CDH13: variants seen among roughly 807,000 people sequenced by gnomAD.
CDH13 encodes cadherin 13.
Under a neutral mutation model 63.8 loss-of-function variants are expected in CDH13, and 24 were observed. The observed-to-expected ratio is 0.38, with a 90% CI of 0.27 to 0.53. The LOEUF is 0.53. Ranked by LOEUF, CDH13 falls within the 20% of genes least tolerant of loss-of-function variation. The pLI is 0.85. For missense variants in CDH13, 1,049 were observed against 903.1 expected, an observed-to-expected ratio of 1.16 and a Z score of -2.07; for synonymous variants, 503 against 355.3, an observed-to-expected ratio of 1.42 and a Z score of -4.67.
intron 7 of CDH13, among the ~76,000 whole-genome samples, chr16:83,502,611 A>G (rs967692645): frequency 6.6e-6 from 1 of 152,226 alleles, no homozygotes; most frequent in African/African-American, 2.4e-5. Context: ...ATGACGTGTT[A>G]AATACAGTAG....
At chr16:83,497,961 T>C (rs943964634) in intron 7 of CDH13, among the ~76,000 whole-genome samples, 5 of 152,234 alleles carry the variant, frequency 3.3e-5, no homozygotes, top group Non-Finnish European at 7.3e-5. Context: ...TTTGACAGCA[T>C]AGTTCATTTC....
chr16:82,935,574 T>A (rs1293207299), intron 2 of CDH13, among the ~76,000 whole-genome samples: 1 of 152,212 alleles, frequency 6.6e-6, no homozygotes, highest in Non-Finnish European at 1.5e-5. Context: ...TGGAAATCAT[T>A]TCAGAAAACT....
chr16:83,266,398 G>T (rs1419898812), intron 5 of CDH13, among the ~76,000 whole-genome samples: 2 of 152,246 alleles, frequency 1.3e-5, no homozygotes, highest in East Asian at 3.9e-4. Flanking sequence ...CTAAGAAGGG[G>T]GAAATGTTAA....
chr16:82,978,092 T>G (rs747085899), intron 2 of CDH13, among the ~76,000 whole-genome samples: 14 of 152,148 alleles, frequency 9.2e-5, no homozygotes, highest in Non-Finnish European at 1.9e-4. Flanking sequence ...CACTTTGAAC[T>G]GGAGAGAGAT....
intron 7 of CDH13, among the ~76,000 whole-genome samples, chr16:83,529,795 A>T (rs1176783990): frequency 6.6e-6 from 1 of 152,238 alleles, no homozygotes; most frequent in African/African-American, 2.4e-5. Flanking sequence ...AAAAAGATGA[A>T]AATAAATGTC....
intron 6 of CDH13, among the ~76,000 whole-genome samples, chr16:83,426,690 T>C (rs2071912012): frequency 6.6e-6 from 1 of 152,090 alleles, no homozygotes; most frequent in African/African-American, 2.4e-5. Flanking sequence ...GTGCTTGGCA[T>C]GTAGATAGAA....
chr16:82,654,778 T>C (rs1235411527), intron 1 of CDH13, among the ~76,000 whole-genome samples: 1 of 151,644 alleles, frequency 6.6e-6, no homozygotes, highest in African/African-American at 2.4e-5. Context: ...ACAGAAAGGA[T>C]GAGGGCAGCT....
chr16:83,589,509 A>T (rs1906527818), intron 7 of CDH13, among the ~76,000 whole-genome samples: 1 of 151,698 alleles, frequency 6.6e-6, no homozygotes, highest in African/African-American at 2.4e-5. Context: ...CCATTTCAAG[A>T]TCCTTAACAA....
chr16:83,544,588 C>G (rs1215393855), intron 7 of CDH13, among the ~76,000 whole-genome samples: 5 of 152,138 alleles, frequency 3.3e-5, no homozygotes, highest in African/African-American at 1.2e-4. Context: ...ATCCCAACAT[C>G]ACAAGAGGAT....
At chr16:82,858,668 C>G in intron 2 of CDH13, 195 bp downstream of exon 2, 1 of 622,504 alleles carries the variant, frequency 1.6e-6, no homozygotes, top group Non-Finnish European at 2.9e-6. Flanking sequence ...GAGTGATATG[C>G]ATCTCTTTTT....
chr16:83,236,032 C>A (rs565642236), intron 5 of CDH13, among the ~76,000 whole-genome samples: 1 of 152,108 alleles, frequency 6.6e-6, no homozygotes, highest in Non-Finnish European at 1.5e-5. Context: ...CATTTAAATG[C>A]GTTTAAGATA....
chr16:83,679,143 C>A (rs140081400), intron 10 of CDH13, among the ~76,000 whole-genome samples: 1 of 152,266 alleles, frequency 6.6e-6, no homozygotes, highest in Non-Finnish European at 1.5e-5. Flanking sequence ...ATTTCTTAAG[C>A]TCTGCCCAGT....
intron 2 of CDH13, among the ~76,000 whole-genome samples, chr16:83,008,315 C>T (rs992564412): frequency 1.2e-4 from 18 of 152,190 alleles, no homozygotes; most frequent in African/African-American, 4.3e-4. Context: ...ACAAAGGTGA[C>T]CTTTGAGTAG....
chr16:82,686,846 C>A (rs1915123925), intron 1 of CDH13, among the ~76,000 whole-genome samples: 1 of 152,180 alleles, frequency 6.6e-6, no homozygotes, highest in South Asian at 2.1e-4. Flanking sequence ...CCATGTGGAA[C>A]AACACAGGGA....
chr16:82,696,970 C>T (rs1343367824), intron 1 of CDH13, among the ~76,000 whole-genome samples: 8 of 152,132 alleles, frequency 5.3e-5, no homozygotes, highest in African/African-American at 1.9e-4. Context: ...GCATAGGACT[C>T]TTAAGGTATT....
At chr16:82,724,294 T>A (rs2032960596) in intron 1 of CDH13, among the ~76,000 whole-genome samples, 2 of 152,286 alleles carry the variant, frequency 1.3e-5, no homozygotes, top group Admixed American at 6.5e-5. Context: ...TATCCATCCA[T>A]CCATCCATAT....
chr16:83,611,043 G>A (rs115962062), intron 8 of CDH13, among the ~76,000 whole-genome samples: 227 of 152,134 alleles, frequency 1.5e-3, no homozygotes, highest in African/African-American at 5.2e-3. Flanking sequence ...TATTTCTCTG[G>A]TGGCTGATGA....
At chr16:82,827,274 T>C (rs1347752022) in intron 1 of CDH13, among the ~76,000 whole-genome samples, 2 of 152,220 alleles carry the variant, frequency 1.3e-5, no homozygotes, top group Admixed American at 1.3e-4. Flanking sequence ...ATAGGATGTC[T>C]TCATCTTTAC....
chr16:83,644,801 A>G (rs1448690764), intron 8 of CDH13, among the ~76,000 whole-genome samples: 1 of 152,222 alleles, frequency 6.6e-6, no homozygotes, highest in Non-Finnish European at 1.5e-5. Flanking sequence ...TTGGACGGAT[A>G]CTAATATCCT....
Sources: gnomAD v4.1 joint callset for allele counts (sites outside exome capture counted in the v4.1 genomes callset) on GRCh38, gnomAD v4.1.1 for gene constraint, MANE v1.5 for transcripts, NCBI Gene and HGNC (gene_info 2026-07-23, HGNC 2026-07-21) for gene names.